ATP9A: variants seen among roughly 807,000 people sequenced by gnomAD.
The protein encoded by ATP9A is probable phospholipid-transporting ATPase IIA.
In ATP9A, 52 loss-of-function variants were observed where a neutral mutation model predicts 144.1. The ratio of observed to expected loss-of-function variants is 0.36; its 90% CI spans 0.29 to 0.45. The LOEUF is 0.45. Ranked by LOEUF, ATP9A falls within the 20% of genes least tolerant of loss-of-function variation. The pLI is 1.00. For missense variants in ATP9A, 947 were observed against 1,392.7 expected (o/e 0.68, Z 5.09); for synonymous variants, 582 against 557.4 (o/e 1.04, Z -0.62).
rs189958083 is a variant in ATP9A, at chr20:51,609,145, G to T, written c.2637-519C>A. ...CAGCCATAAGGCCAGTGGGGCTGGG[G>T]CTGAGGGCGACGGAAGAGGAAATGA... On this transcript the variant is annotated intron_variant, in intron 24 of 27. Coordinates refer to ENST00000338821, the MANE Select transcript of ATP9A (RefSeq NM_006045.3). Among the ~76,000 whole-genome samples the T allele has an allele frequency of 2.9e-3, 444 of 152,252 alleles. 1 individual carries two copies. The highest frequency in any genetic ancestry group is 4.5e-3 in the Non-Finnish European group (309 of 68,018).
At position 51,711,917 on chromosome 20, in the gene ATP9A, G is replaced by A. The variant is rs527582605; in HGVS notation, c.436+1049C>T. ...GTCACCCAGGCTGGAGTGCAATGGCGTGATCTTGGCTCACTGCAGCCTCCG... is the reference window on the plus strand; with the variant it reads ...GTCACCCAGGCTGGAGTGCAATGGCATGATCTTGGCTCACTGCAGCCTCCG... On this transcript the variant is annotated intron_variant, in intron 4 of 27. Transcript: ENST00000338821. 3.4e-5 allele frequency among the ~76,000 whole-genome samples: 5 copies of A among 146,714 alleles called. No individual in the cohort carries two copies. The South Asian group carries it at 1.1e-3, about 32-fold the overall frequency.
chr20:51,637,157 T>C (rs1485519227), intron 15 of ATP9A, among the ~76,000 whole-genome samples: 1 of 151,964 alleles, frequency 6.6e-6, no homozygotes, highest in East Asian at 1.9e-4. Flanking sequence ...CTAGTGGCTA[T>C]TACCATTTCT....
Position 51,629,050 on chromosome 20 carries a change from G to GT in ATP9A, c.1690dup (p.Thr564AsnfsTer19). On this transcript the variant is annotated frameshift_variant, in exon 16 of 28. Coordinates refer to ENST00000338821, the MANE Select transcript of ATP9A (RefSeq NM_006045.3). LOFTEE classifies it high-confidence loss of function. ...CACATCTGCTCCCTTCATGTAAAAC[G>GT]TAATTTCTCCAGTTGATTCATCCTA... The GT allele has an allele frequency of 6.2e-7, 1 of 1,613,886 alleles. No individual in the cohort carries two copies. The highest frequency in any genetic ancestry group is 8.5e-7 in the Non-Finnish European group (1 of 1,179,804).
rs2077123898 is a variant in ATP9A at position 51,597,424 on chromosome 20, G to T, written c.*3787C>A. ...ATGTGTTGTATTTACAAAGCTCTTT[G>T]TATATTTTTTTAAATGAAAACAAAG... On this transcript the variant is annotated 3_prime_UTR_variant, in exon 28 of 28. Coordinates refer to ENST00000338821, the MANE Select transcript of ATP9A (RefSeq NM_006045.3). 1 of 152,132 alleles carries T rather than the reference G, an allele frequency of 6.6e-6. No homozygotes were observed. The highest frequency in any genetic ancestry group is 2.4e-5 in the African/African-American group (1 of 41,396). The allele number at this position is 152,132 out of a possible 1,614,324, so 9.4% of individuals were successfully genotyped here.
intron 27 of ATP9A, among the ~76,000 whole-genome samples, chr20:51,603,731 G>A (rs2122703408): frequency 6.6e-6 from 1 of 152,036 alleles, no homozygotes; most frequent in East Asian, 1.9e-4. Context: ...TTAGGATGGT[G>A]CTGACACTCC....
intron 1 of ATP9A, among the ~76,000 whole-genome samples, chr20:51,758,367 C>T: frequency 6.6e-6 from 1 of 152,136 alleles, no homozygotes; most frequent in East Asian, 1.9e-4. Context: ...ACGTCCCAAC[C>T]CCTCCACCCC....
intron 4 of ATP9A, among the ~76,000 whole-genome samples, chr20:51,708,655 G>C (rs908038757): frequency 6.6e-6 from 1 of 152,186 alleles, no homozygotes; most frequent in Non-Finnish European, 1.5e-5. Flanking sequence ...AGAACTGCTT[G>C]AATCCAGGAG....
At chr20:51,691,780 G>C (rs2077549616) in intron 7 of ATP9A, among the ~76,000 whole-genome samples, 1 of 152,210 alleles carries the variant, frequency 6.6e-6, no homozygotes, top group African/African-American at 2.4e-5. Context: ...GACTTGAAGT[G>C]ATCATCTGTC....
chr20:51,637,209 T>C (rs1485623787), intron 15 of ATP9A, among the ~76,000 whole-genome samples: 1 of 147,532 alleles, frequency 6.8e-6, no homozygotes, highest in Non-Finnish European at 1.5e-5. Context: ...AGCTACACGG[T>C]AAATGATCAA....
intron 3 of ATP9A, among the ~76,000 whole-genome samples, chr20:51,716,611 G>A (rs1006778814): frequency 6.6e-6 from 1 of 152,016 alleles, no homozygotes. Context: ...AGCAGAGATT[G>A]AGCCACTACA....
intron 2 of ATP9A, among the ~76,000 whole-genome samples, chr20:51,728,989 T>C (rs62226742): frequency 0.067 from 10,273 of 152,258 alleles, 788 homozygotes; most frequent in African/African-American, 0.19. Context: ...TGAGTACATG[T>C]CCACAGATTT....
At chr20:51,695,990 C>G (rs2077569111) in intron 6 of ATP9A, 103 bp downstream of exon 6, 2 of 1,094,624 alleles carry the variant, frequency 1.8e-6, no homozygotes, top group Admixed American at 2.0e-5. Flanking sequence ...GCCTCCATGG[C>G]TCCAAAATGA....
intron 17 of ATP9A, 75 bp downstream of exon 17, chr20:51,627,525 T>A: frequency 1.5e-6 from 2 of 1,324,354 alleles, no homozygotes; most frequent in Non-Finnish European, 2.2e-6. Flanking sequence ...TCGCATAGGA[T>A]GAGGGATGGT....
At chr20:51,709,470 G>A (rs1178287421) in intron 4 of ATP9A, among the ~76,000 whole-genome samples, 3 of 152,104 alleles carry the variant, frequency 2.0e-5, no homozygotes, top group Admixed American at 1.3e-4. Flanking sequence ...AGCCGAGATC[G>A]CGCCATTGCA....
intron 13 of ATP9A, among the ~76,000 whole-genome samples, chr20:51,662,228 C>T (rs6063691): frequency 0.49 from 74,511 of 151,768 alleles, 18,967 homozygotes; most frequent in East Asian, 0.79. Context: ...CTGTTCTTCA[C>T]GAATGTTTTG....
intron 15 of ATP9A, among the ~76,000 whole-genome samples, chr20:51,632,578 C>T (rs2077274210): frequency 6.6e-6 from 1 of 152,122 alleles, no homozygotes; most frequent in Admixed American, 6.6e-5. Context: ...CTCTCAGCCT[C>T]TGGTTGTGAC....
chr20:51,635,735 A>G (rs915654636), intron 15 of ATP9A, among the ~76,000 whole-genome samples: 7 of 149,340 alleles, frequency 4.7e-5, no homozygotes, highest in African/African-American at 1.7e-4. Context: ...AGATGGACGG[A>G]AGGAAGGAAG....
Position 51,639,388 on chromosome 20 carries a change from G to T in ATP9A, c.1623C>A (p.Ile541=), listed in dbSNP as rs904805090. 15 of 1,613,980 alleles carry T rather than the reference G, an allele frequency of 9.3e-6. No individual in the cohort carries two copies. The highest frequency in any genetic ancestry group is 1.3e-5 in the Non-Finnish European group (15 of 1,179,996). ...GTTTGCTTTCATAGGTGAAAGGGAAGATCTGTAGGATGGTGAAGTTCAGGA... is the reference window on the plus strand; with the variant it reads ...GTTTGCTTTCATAGGTGAAAGGGAATATCTGTAGGATGGTGAAGTTCAGGA... ...DQILNFTILQ[I]FPFTYESKRM... The change falls in exon 15 of 28, where the codon ATC becomes ATA. Residue 541 remains isoleucine (I), a synonymous_variant. Coordinates refer to ENST00000338821, the MANE Select transcript of ATP9A (RefSeq NM_006045.3).
intron 3 of ATP9A, among the ~76,000 whole-genome samples, chr20:51,714,399 T>C (rs913279087): frequency 4.0e-5 from 6 of 151,728 alleles, no homozygotes; most frequent in Admixed American, 3.3e-4. Flanking sequence ...TTGTTGTCAT[T>C]GTTACAGAGT....
Sources: gnomAD v4.1 joint callset for allele counts (sites outside exome capture counted in the v4.1 genomes callset) on GRCh38, gnomAD v4.1.1 for gene constraint, MANE v1.5 for transcripts, NCBI Gene and HGNC (gene_info 2026-07-23, HGNC 2026-07-21) for gene names.